The following ELAVL2 variants were observed in gnomAD, a reference collection of about 807,000 sequenced individuals.
The protein encoded by ELAVL2 is ELAV like RNA binding protein 2, also known as ELAV-like protein 2.
ELAVL2 carries 4 observed loss-of-function variants against 34.6 expected under a neutral mutation model. The observed-to-expected ratio is 0.12, with a 90% CI of 0.06 to 0.26. The LOEUF is 0.26. Ranked by LOEUF, ELAVL2 falls within the 10% of genes least tolerant of loss-of-function variation. The pLI, the probability that ELAVL2 is intolerant of heterozygous loss-of-function variation, is 1.00. For synonymous variants in ELAVL2, 193 were observed against 154.8 expected (o/e 1.25, Z -1.83); for missense variants, 432 against 442.8 (o/e 0.98, Z 0.22).
At chr9:23,742,294 G>A (rs373088311) in intron 2 of ELAVL2, among the ~76,000 whole-genome samples, 4 of 152,158 alleles carry the variant, frequency 2.6e-5, no homozygotes, top group East Asian at 3.9e-4. Flanking sequence ...ACCAAGCTAA[G>A]CTGCTATTAT....
At chr9:23,703,116 G>C (rs112213761) in intron 4 of ELAVL2, among the ~76,000 whole-genome samples, 15 of 152,188 alleles carry the variant, frequency 9.9e-5, no homozygotes, top group African/African-American at 3.4e-4. Flanking sequence ...ATTTTTAGCA[G>C]GGTTCCAGAA....
At chr9:23,697,110 T>C (rs1053248293) in intron 5 of ELAVL2, among the ~76,000 whole-genome samples, 3 of 152,052 alleles carry the variant, frequency 2.0e-5, no homozygotes, top group Admixed American at 6.6e-5. Context: ...AAATCCATTT[T>C]ACAAATAACA....
intron 2 of ELAVL2, among the ~76,000 whole-genome samples, chr9:23,752,789 G>A (rs1004085958): frequency 4.6e-5 from 7 of 152,050 alleles, no homozygotes; most frequent in African/African-American, 1.4e-4. Flanking sequence ...AAATACTTCT[G>A]TCTTGCTTTT....
intron 4 of ELAVL2, among the ~76,000 whole-genome samples, chr9:23,703,531 C>G (rs772092624): frequency 6.6e-6 from 1 of 152,014 alleles, no homozygotes; most frequent in Non-Finnish European, 1.5e-5. Context: ...AGTGCTAGCT[C>G]TCTCTACTCA....
In ELAVL2 at chr9:23,774,247, G is replaced by C. The variant is rs892216836; in HGVS notation, c.-15-11998C>G. Among the ~76,000 whole-genome samples the C allele has an allele frequency of 8.2e-5, 11 of 134,160 alleles. No homozygotes were observed. In the Admixed American group the frequency reaches 8.2e-4, roughly 10 times the overall value. 88.0% of individuals were successfully genotyped at this position (134,160 alleles called of 152,430 possible). A position where few individuals can be genotyped will look rare whatever the true frequency, so the allele number is the denominator to read the frequency against. On this transcript the variant is annotated intron_variant, in intron 1 of 6. Transcript: ENST00000397312. ...AAAAAAAAAAAAAAAAAGAAAGAAA[G>C]AAAGAAAGAAAATTTGCTTATCTGT...
chr9:23,745,256 T>G (rs983311575), intron 2 of ELAVL2, among the ~76,000 whole-genome samples: 1 of 152,098 alleles, frequency 6.6e-6, no homozygotes. Context: ...TGGTAGATTT[T>G]TACAATCCCC....
chr9:23,844,422 A>T, the ELAVL2 span, among the ~76,000 whole-genome samples: 1 of 152,034 alleles, frequency 6.6e-6, no homozygotes, highest in African/African-American at 2.4e-5. Context: ...TAGGAATCAA[A>T]CATATATTAA....
intron 3 of ELAVL2, among the ~76,000 whole-genome samples, chr9:23,708,890 G>C (rs1014238817): frequency 2.6e-5 from 4 of 151,816 alleles, no homozygotes; most frequent in East Asian, 1.9e-4. Context: ...AGCCCACCTC[G>C]GCCTCCCAAA....
chr9:23,767,677 G>A (rs932806233), intron 1 of ELAVL2, among the ~76,000 whole-genome samples: 1 of 152,118 alleles, frequency 6.6e-6, no homozygotes, highest in African/African-American at 2.4e-5. Flanking sequence ...GGACGCTGAG[G>A]CAGGAGAATG....
At chr9:23,721,913 A>G (rs2043830334) in intron 3 of ELAVL2, among the ~76,000 whole-genome samples, 2 of 152,210 alleles carry the variant, frequency 1.3e-5, no homozygotes, top group South Asian at 4.1e-4. Context: ...GCTTCTAGTC[A>G]ACAGTAGGCT....
chr9:23,743,502 C>T (rs566024886), intron 2 of ELAVL2, among the ~76,000 whole-genome samples: 3 of 152,220 alleles, frequency 2.0e-5, no homozygotes, highest in African/African-American at 4.8e-5. Context: ...GTATAGTAAA[C>T]GCATTATCCT....
intron 2 of ELAVL2, among the ~76,000 whole-genome samples, chr9:23,761,751 T>C (rs1267835250): frequency 1.3e-5 from 2 of 152,084 alleles, no homozygotes; most frequent in Non-Finnish European, 2.9e-5. Context: ...CATATACTTT[T>C]AGAAGATTTT....
the ELAVL2 span, among the ~76,000 whole-genome samples, chr9:23,840,269 A>G: frequency 2.0e-5 from 3 of 152,226 alleles, no homozygotes; most frequent in Non-Finnish European, 4.4e-5. Flanking sequence ...GATAAAGGAA[A>G]GCCCAGTGAT....
chr9:23,702,977 A>AAAAAAAAAAAAAC (rs1563957766), intron 4 of ELAVL2, among the ~76,000 whole-genome samples: 1 of 132,422 alleles, frequency 7.6e-6, no homozygotes, highest in Non-Finnish European at 1.6e-5. Context: ...AAAAAAAAAA[A>AAAAAAAAAAAAAC]AAAACAGCCT....
chr9:23,844,369 AT>A, the ELAVL2 span, among the ~76,000 whole-genome samples: 1 of 152,048 alleles, frequency 6.6e-6, no homozygotes, highest in African/African-American at 2.4e-5. Context: ...GAAGTGTATC[AT>A]TCACTGCATT....
intron 5 of ELAVL2, among the ~76,000 whole-genome samples, chr9:23,693,757 A>T (rs1361018461): frequency 6.6e-6 from 1 of 152,194 alleles, no homozygotes; most frequent in Admixed American, 6.5e-5. Flanking sequence ...GAAGTGCGAA[A>T]GCTCTGGGAT....
At chr9:23,848,165 A>C in the ELAVL2 span, among the ~76,000 whole-genome samples, 3 of 152,148 alleles carry the variant, frequency 2.0e-5, no homozygotes, top group East Asian at 1.9e-4. Flanking sequence ...GTGTTAGTAT[A>C]GTTCAGGATT....
rs3818599 is a variant in ELAVL2 at position 23,730,794 on chromosome 9, T to C, written c.333+228A>G. ...TTCCGTAGGCTTCCTATAACATTTA[T>C]CTAAGAGAGTTGTTGCTCTGTCCCC... On this transcript the variant is annotated intron_variant, in intron 3 of 6. Transcript: ENST00000397312. Among the ~76,000 whole-genome samples the C allele has an allele frequency of 0.052, 7,919 of 152,148 alleles. 348 individuals carry two copies. The highest frequency in any genetic ancestry group is 0.22 in the East Asian group (1,136 of 5,142).
intron 4 of ELAVL2, among the ~76,000 whole-genome samples, chr9:23,703,194 T>C (rs2038071222): frequency 6.6e-6 from 1 of 152,144 alleles, no homozygotes; most frequent in Non-Finnish European, 1.5e-5. Context: ...GGTCCACCTG[T>C]GATGGACTAG....
Sources: allele counts gnomAD v4.1 joint callset (sites outside exome capture counted in the v4.1 genomes callset), GRCh38; gene constraint gnomAD v4.1.1; transcripts MANE v1.5; gene names NCBI Gene and HGNC (gene_info 2026-07-23, HGNC 2026-07-21).